The following POPDC2 variants were observed in gnomAD, a reference collection of about 807,000 sequenced individuals.
POPDC2 encodes the protein popeye domain cAMP effector 2, also known as popeye domain-containing protein 2.
POPDC2 carries 24 observed loss-of-function variants against 30.5 expected under a neutral mutation model. The observed-to-expected ratio is 0.79, with a 90% CI of 0.57 to 1.11. POPDC2 has a LOEUF of 1.11. POPDC2 is among the 50% of genes least tolerant of loss of function. POPDC2 has a pLI of 0.00. For missense variants in POPDC2, 409 were observed against 447.0 expected, an observed-to-expected ratio of 0.91 and a Z score of 0.77; for synonymous variants, 185 against 183.3, an observed-to-expected ratio of 1.01 and a Z score of -0.07.
At chr3:119,648,705 C>G in intron 2 of POPDC2, 37 bp from the exon 3 acceptor site, 1 of 1,555,518 alleles carries the variant, frequency 6.4e-7, no homozygotes, top group Non-Finnish European at 8.7e-7. Context: ...AAAGTTTAAA[C>G]TAGAAAATTT....
chr3:119,642,563 T>C lies in POPDC2; in HGVS notation c.*44-2A>G, dbSNP rs1212173961. Reference sequence around the variant, plus strand: ...AGCTCTGGAGAGGAATTCTAGAAGCTGTGGAAAGAAAAAGAGGGAGGATTT... The same window carrying C: ...AGCTCTGGAGAGGAATTCTAGAAGCCGTGGAAAGAAAAAGAGGGAGGATTT... On this transcript the variant is annotated splice_acceptor_variant, in intron 3 of 3. Transcript: ENST00000493094. LOFTEE classifies it low-confidence loss of function (3UTR_SPLICE). 6.2e-7 allele frequency: 1 copy of C among 1,604,996 alleles called. No individual in the cohort carries two copies. The highest frequency in any genetic ancestry group is 8.5e-7 in the Non-Finnish European group (1 of 1,172,032).
rs773372882 is a variant in POPDC2, at chr3:119,654,523, A to G, written c.582T>C (p.Ser194=). The G allele has an allele frequency of 5.0e-6, 8 of 1,613,046 alleles. No homozygotes were observed. Among genetic ancestry groups the G allele is most frequent in the African/African-American group, 1.3e-5 (1 of 74,908 alleles). ...CTGTTACCTGGAACACCCCCTCCTC[A>G]GAAGGCTGTAGTGATTCCCACTCAG... is the stretch of plus-strand genomic sequence containing the variant. ...DSPEWESLQP[S]EEGVFQVTLT... Residue 194 remains serine, a synonymous_variant, in exon 2 of 4, where the codon TCT becomes TCC. Coordinates refer to ENST00000493094, the MANE Select transcript of POPDC2 (RefSeq NM_001369919.2).
intron 3 of POPDC2, among the ~76,000 whole-genome samples, chr3:119,647,683 C>A (rs1331401267): frequency 6.6e-6 from 1 of 152,204 alleles, no homozygotes; most frequent in African/African-American, 2.4e-5. Context: ...ACAGAGATGC[C>A]TGCCCAGTCT....
Position 119,648,186 on chromosome 3 carries a change from C to T in POPDC2, c.1083G>A (p.Arg361=). The part of the protein sequence containing the change: ...VSGSESFMDY[R]SDGEYMR The stretch of plus-strand genomic sequence containing the variant: ...TTCACCTCATGTACTCCCCATCACT[C>T]CTATAATCCATAAACGATTCTGATC... The change falls in exon 3 of 4, where the codon AGG becomes AGA. Residue 361 remains arginine (R), a synonymous_variant. Coordinates refer to ENST00000493094, the MANE Select transcript of POPDC2 (RefSeq NM_001369919.2). 6.4e-7 allele frequency: 1 copy of T among 1,551,022 alleles called. No homozygotes were observed. Among genetic ancestry groups the T allele is most frequent in the Non-Finnish European group, 8.7e-7 (1 of 1,147,096 alleles).
At chr3:119,656,721 C>T (rs750216952) in intron 1 of POPDC2, among the ~76,000 whole-genome samples, 2 of 152,166 alleles carry the variant, frequency 1.3e-5, no homozygotes, top group East Asian at 3.9e-4. Flanking sequence ...TCTTTAACCT[C>T]TCTTCTAAAG....
chr3:119,646,105 T>A (rs748290516), intron 3 of POPDC2, among the ~76,000 whole-genome samples: 1 of 152,146 alleles, frequency 6.6e-6, no homozygotes, highest in Non-Finnish European at 1.5e-5. Context: ...ATGGTTTTCT[T>A]TATAGGCAGA....
Position 119,648,141 on chromosome 3 carries a change from G to C in POPDC2, c.*21C>G. On this transcript the variant is annotated 3_prime_UTR_variant, in exon 3 of 4. Coordinates refer to ENST00000493094, the MANE Select transcript of POPDC2 (RefSeq NM_001369919.2). ...TACATAGGATCCTGAGCCGGTGGCT[G>C]TGCCCATGTTAGTTCTCCCTTCACC... 6.7e-7 allele frequency: 1 copy of C among 1,484,376 alleles called. No homozygotes were observed. 92.0% of individuals were successfully genotyped at this position (1,484,376 alleles called of 1,614,324 possible). A position where few individuals can be genotyped will look rare whatever the true frequency, so the allele number is the denominator to read the frequency against.
At chr3:119,654,896 A>G (rs1052564661) in intron 1 of POPDC2, among the ~76,000 whole-genome samples, 1 of 152,006 alleles carries the variant, frequency 6.6e-6, no homozygotes, top group Non-Finnish European at 1.5e-5. Context: ...GGAAGCTTTT[A>G]AAAAAAAGCA....
intron 3 of POPDC2, among the ~76,000 whole-genome samples, chr3:119,647,368 C>T (rs2052757160): frequency 6.6e-6 from 1 of 152,226 alleles, no homozygotes; most frequent in African/African-American, 2.4e-5. Flanking sequence ...CCCAGAACCA[C>T]TGGGCACAGC....
chr3:119,647,637 T>C (rs1469090899), intron 3 of POPDC2, among the ~76,000 whole-genome samples: 3 of 152,312 alleles, frequency 2.0e-5, no homozygotes, highest in Non-Finnish European at 2.9e-5. Flanking sequence ...AGCTATTAGC[T>C]CATAATCACA....
chr3:119,648,179 C>A lies in POPDC2; in HGVS notation c.1090G>T (p.Gly364Trp). ...TTCTCCCTTCACCTCATGTACTCCC[C>A]ATCACTCCTATAATCCATAAACGAT... The part of the protein sequence containing the change: ...SESFMDYRSD[G>W]EYMR Residue 364 changes from glycine (G) to tryptophan (W), a missense_variant, in exon 3 of 4, where the codon GGG becomes TGG. By Grantham distance (184) the Gly-to-Trp change is radical. Coordinates refer to ENST00000493094, the MANE Select transcript of POPDC2 (RefSeq NM_001369919.2). 6.5e-7 allele frequency: 1 copy of A among 1,538,654 alleles called. No homozygotes were observed. The highest frequency in any genetic ancestry group is 1.2e-5 in the South Asian group (1 of 82,852).
At position 119,660,523 on chromosome 3, in the gene POPDC2, C is replaced by T. The variant is rs1416005684; in HGVS notation, c.-100G>A. 7.5e-5 allele frequency: 102 copies of T among 1,352,434 alleles called. No individual in the cohort carries two copies. The highest frequency in any genetic ancestry group is 2.1e-4 in the South Asian group (14 of 66,838). The allele number at this position is 1,352,434 out of a possible 1,614,324, so 83.8% of individuals were successfully genotyped here. On this transcript the variant is annotated 5_prime_UTR_variant, in exon 1 of 4. Coordinates refer to ENST00000493094, the MANE Select transcript of POPDC2 (RefSeq NM_001369919.2). ...ATCCGCTCAGGGGTCTTCTCACCTC[C>T]GGCTTCTCACTACCGACTCCACCTT...
chr3:119,656,985 C>T (rs961503844), intron 1 of POPDC2, among the ~76,000 whole-genome samples: 2 of 152,126 alleles, frequency 1.3e-5, no homozygotes, highest in African/African-American at 4.8e-5. Flanking sequence ...TAACTGGCTG[C>T]AAGTCAATGT....
upstream of POPDC2, chr3:119,660,645 T>TC: frequency 4.6e-6 from 1 of 218,002 alleles, no homozygotes; most frequent in Non-Finnish European, 8.2e-6. Context: ...TCTCTCTCTC[T>TC]CTCCCCCTCT....
At chr3:119,649,262 G>T (rs2052784282) in intron 2 of POPDC2, among the ~76,000 whole-genome samples, 1 of 152,098 alleles carries the variant, frequency 6.6e-6, no homozygotes, top group South Asian at 2.1e-4. Context: ...GTAACCAAAA[G>T]GATCTGATGA....
At chr3:119,657,716 A>C (rs1387501810) in intron 1 of POPDC2, among the ~76,000 whole-genome samples, 1 of 152,120 alleles carries the variant, frequency 6.6e-6, no homozygotes, top group East Asian at 1.9e-4. Context: ...AGTGTAGATA[A>C]TGTCTAATGA....
intron 1 of POPDC2, among the ~76,000 whole-genome samples, chr3:119,655,339 A>G (rs984769577): frequency 5.3e-5 from 8 of 152,194 alleles, no homozygotes; most frequent in African/African-American, 1.2e-4. Context: ...AAAAAGAGAA[A>G]AGAATGCTGC....
intron 2 of POPDC2, among the ~76,000 whole-genome samples, 188 bp from the exon 3 acceptor site, chr3:119,648,856 G>A (rs2052777629): frequency 1.3e-5 from 2 of 152,262 alleles, no homozygotes; most frequent in South Asian, 4.2e-4. Flanking sequence ...ACTGATATGG[G>A]GGGGTCCTGT....
At position 119,649,675 on chromosome 3, in the gene POPDC2, A is replaced by C. The variant is rs1467570542; in HGVS notation, c.601-1007T>G. On this transcript the variant is annotated intron_variant, in intron 2 of 3. Transcript: ENST00000493094. The stretch of plus-strand genomic sequence containing the variant: ...ATGTTAGCAGCTAATATTTGTCAAG[A>C]GGTGCCAGGCGTTGTGTTAAGCACT... 3.3e-5 allele frequency among the ~76,000 whole-genome samples: 5 copies of C among 152,360 alleles called. No individual in the cohort carries two copies. In the East Asian group the frequency reaches 9.6e-4, roughly 29 times the overall value.
Sources: gnomAD v4.1 joint callset for allele counts (sites outside exome capture counted in the v4.1 genomes callset) on GRCh38, gnomAD v4.1.1 for gene constraint, MANE v1.5 for transcripts, NCBI Gene and HGNC (gene_info 2026-07-23, HGNC 2026-07-21) for gene names.